ENTPD3: variants seen among roughly 807,000 people sequenced by gnomAD.
The protein encoded by ENTPD3 is CD39 antigen-like 3.
In ENTPD3, 60 loss-of-function variants were observed where a neutral mutation model predicts 51.2. That is an observed-to-expected ratio of 1.17 (90% CI 0.95 to 1.45). The LOEUF (loss-of-function observed/expected upper bound fraction) is 1.45. Among genes scored for constraint, ENTPD3 ranks in the 40% most tolerant of loss-of-function variants. ENTPD3 has a pLI of 0.00. For missense variants in ENTPD3, 593 were observed against 641.1 expected (o/e 0.93, Z 0.81); for synonymous variants, 221 against 238.4 (o/e 0.93, Z 0.67).
intron 2 of ENTPD3, chr3:40,391,286 AT>A (rs1170611638): frequency 6.6e-6 from 1 of 152,072 alleles, no homozygotes; most frequent in Non-Finnish European, 1.5e-5. Flanking sequence ...TTTAACTGAG[AT>A]TATTTTTAAA....
chr3:40,425,484 C>T (rs1955963317), intron 10 of ENTPD3, among the ~76,000 whole-genome samples: 2 of 151,898 alleles, frequency 1.3e-5, no homozygotes, highest in Admixed American at 1.3e-4. Flanking sequence ...AGATTTGCTG[C>T]ACAGAAGACT....
At position 40,398,224 on chromosome 3, in the gene ENTPD3, C is replaced by T. The variant is rs377433801; in HGVS notation, c.169-2670C>T. Among the ~76,000 whole-genome samples, 17 of 152,290 alleles carry T rather than the reference C, an allele frequency of 1.1e-4. No homozygotes were observed. In the East Asian group the frequency reaches 2.9e-3, roughly 26 times the overall value. On this transcript the variant is annotated intron_variant, in intron 3 of 10. Coordinates refer to ENST00000301825, the MANE Select transcript of ENTPD3 (RefSeq NM_001248.4). ...GGAGTTACAAATGAGAATGGATACT[C>T]TTCTCTCTGATCTTGGCCCAGCAGC...
intron 4 of ENTPD3, among the ~76,000 whole-genome samples, chr3:40,401,889 C>G (rs1380606411): frequency 6.6e-6 from 1 of 152,162 alleles, no homozygotes; most frequent in African/African-American, 2.4e-5. Flanking sequence ...AGCTCCCTGT[C>G]TTTTCCACAA....
intron 4 of ENTPD3, among the ~76,000 whole-genome samples, chr3:40,402,123 C>CTTTTTTTTTTTTT (rs58000344): frequency 7.4e-5 from 7 of 95,070 alleles, no homozygotes; most frequent in Admixed American, 1.6e-4. Flanking sequence ...TTTTTTTTTT[C>CTTTTTTTTTTTTT]TTTTTTTTTT....
At chr3:40,412,438 A>T (rs1575224566) in intron 5 of ENTPD3, among the ~76,000 whole-genome samples, 1 of 152,352 alleles carries the variant, frequency 6.6e-6, no homozygotes, top group East Asian at 1.9e-4. Flanking sequence ...TTATGAAACA[A>T]GCATCTAATT....
At chr3:40,404,164 C>T (rs1955439103) in intron 4 of ENTPD3, among the ~76,000 whole-genome samples, 1 of 152,016 alleles carries the variant, frequency 6.6e-6, no homozygotes, top group Non-Finnish European at 1.5e-5. Context: ...ATTGAGACTT[C>T]ACCTCATCCC....
intron 4 of ENTPD3, among the ~76,000 whole-genome samples, chr3:40,410,120 T>C (rs1389286614): frequency 6.6e-6 from 1 of 152,140 alleles, no homozygotes; most frequent in African/African-American, 2.4e-5. Context: ...AATCGTTTTT[T>C]AAAAAGTAAT....
intron 2 of ENTPD3, among the ~76,000 whole-genome samples, chr3:40,390,667 AAT>A (rs1955032354): frequency 6.6e-6 from 1 of 152,196 alleles, no homozygotes; most frequent in African/African-American, 2.4e-5. Context: ...ATAAGTTTAT[AAT>A]GTTTTTTTAA....
intron 7 of ENTPD3, among the ~76,000 whole-genome samples, chr3:40,416,287 A>T (rs1314535243): frequency 2.0e-5 from 3 of 152,170 alleles, no homozygotes; most frequent in African/African-American, 7.2e-5. Flanking sequence ...CACTTCCAGT[A>T]AATTTGAGTA....
chr3:40,426,764 G>A (rs1462739856), intron 10 of ENTPD3, among the ~76,000 whole-genome samples: 1 of 152,104 alleles, frequency 6.6e-6, no homozygotes, highest in Non-Finnish European at 1.5e-5. Flanking sequence ...ACAACATAAT[G>A]ATAAAATGTT....
intron 3 of ENTPD3, among the ~76,000 whole-genome samples, chr3:40,394,901 ATCTC>A (rs1436166769): frequency 6.6e-6 from 1 of 152,174 alleles, no homozygotes; most frequent in Non-Finnish European, 1.5e-5. Context: ...CTTCAGGCTT[ATCTC>A]TCTCTATGAC....
At chr3:40,406,800 A>C (rs899053314) in intron 4 of ENTPD3, among the ~76,000 whole-genome samples, 1 of 152,106 alleles carries the variant, frequency 6.6e-6, no homozygotes, top group Non-Finnish European at 1.5e-5. Context: ...CAGCTTCCAC[A>C]CTTGGCCTTT....
chr3:40,411,575 T>C (rs1955631700), intron 4 of ENTPD3, among the ~76,000 whole-genome samples: 2 of 152,200 alleles, frequency 1.3e-5, no homozygotes, highest in African/African-American at 4.8e-5. Flanking sequence ...ATTTTTATAA[T>C]GAAAACATTT....
intron 3 of ENTPD3, among the ~76,000 whole-genome samples, chr3:40,397,604 C>T (rs937497762): frequency 2.0e-5 from 3 of 152,132 alleles, no homozygotes; most frequent in African/African-American, 7.2e-5. Flanking sequence ...ATTACTACTA[C>T]TATTTATTAT....
chr3:40,396,047 CAA>C (rs1047766619), intron 3 of ENTPD3, among the ~76,000 whole-genome samples: 218 of 152,308 alleles, frequency 1.4e-3, no homozygotes, highest in African/African-American at 5.1e-3. Flanking sequence ...CACCCTCCAC[CAA>C]TCAGCAGGCA....
At chr3:40,408,632 C>G (rs1415606595) in intron 4 of ENTPD3, among the ~76,000 whole-genome samples, 3 of 152,186 alleles carry the variant, frequency 2.0e-5, no homozygotes, top group Non-Finnish European at 4.4e-5. Context: ...TGCCTGAGAG[C>G]TTAATCTCAC....
rs1955913259 is a variant in ENTPD3 at position 40,423,105 on chromosome 3, A to C, written c.1087A>C (p.Ile363Leu). 6.2e-7 allele frequency: 1 copy of C among 1,612,300 alleles called. No homozygotes were observed. The highest frequency in any genetic ancestry group is 1.1e-5 in the South Asian group (1 of 90,970). The change falls in exon 8 of 11, where the codon ATT (isoleucine) becomes CTT (leucine). Residue 363 changes from isoleucine to leucine, a missense_variant. Physicochemically the swap from Ile to Leu is conservative, Grantham distance 5. Transcript: ENST00000301825. ...CSFDGVYQPK[I>L]KGPFVAFAGF... Reference sequence around the variant, plus strand: ...TTTTGATGGGGTTTATCAGCCAAAGATTAAAGGGCCATTTGTGGTAAGAGC... The same window carrying C: ...TTTTGATGGGGTTTATCAGCCAAAGCTTAAAGGGCCATTTGTGGTAAGAGC...
At chr3:40,402,905 C>A (rs997781520) in intron 4 of ENTPD3, among the ~76,000 whole-genome samples, 2 of 152,136 alleles carry the variant, frequency 1.3e-5, no homozygotes, top group African/African-American at 4.8e-5. Context: ...TATGTGTAAG[C>A]CTTTTTCAAA....
chr3:40,404,999 C>G (rs1955457840), intron 4 of ENTPD3, among the ~76,000 whole-genome samples: 1 of 152,182 alleles, frequency 6.6e-6, no homozygotes, highest in African/African-American at 2.4e-5. Context: ...AAGCCACCTC[C>G]TGGAGGTGCT....
Sources: allele counts gnomAD v4.1 joint callset (sites outside exome capture counted in the v4.1 genomes callset), GRCh38; gene constraint gnomAD v4.1.1; transcripts MANE v1.5; gene names NCBI Gene and HGNC (gene_info 2026-07-23, HGNC 2026-07-21).